The following ZNF585B variants were observed in gnomAD, a reference collection of about 807,000 sequenced individuals.
ZNF585B encodes the protein zinc finger protein 585B.
ZNF585B carries 7 observed loss-of-function variants against 14.0 expected under a neutral mutation model. The ratio of observed to expected loss-of-function variants is 0.50; its 90% CI spans 0.28 to 0.94. ZNF585B has a LOEUF of 0.94. Among genes scored for constraint, ZNF585B ranks in the 40% least tolerant of loss-of-function variants. The pLI is 0.09. For synonymous variants in ZNF585B, 290 were observed against 317.3 expected (o/e 0.91, Z 0.91); for missense variants, 750 against 924.4 (o/e 0.81, Z 2.45).
rs1339482016 is a variant in ZNF585B at position 37,189,687 on chromosome 19, C to T, written c.266G>A (p.Gly89Asp). The T allele has an allele frequency of 6.2e-7, 1 of 1,613,504 alleles. No homozygotes were observed. The highest frequency in any genetic ancestry group is 2.2e-5 in the East Asian group (1 of 44,876). Residue 89 changes from glycine (G) to aspartate (D), a missense_variant, in exon 4 of 5, where the codon GGT (glycine) becomes GAT (aspartate). By Grantham distance (94) the Gly-to-Asp change is moderately conservative. This residue lies in a region of ZNF585B where 517 missense variants were observed against 570.3 expected (regional missense o/e 0.91). Transcript: ENST00000532828. ...TGGGCAGCTGTGACGTGGCCTCTCA[C>T]CCTGCAGTGCCCATGGTTCCTTTCC... ...EQGKEPWALQGERPRHSCPGE... is the reference protein window; with the variant it reads ...EQGKEPWALQDERPRHSCPGE...
chr19:37,191,898 C>T (rs1402441123), intron 2 of ZNF585B, among the ~76,000 whole-genome samples: 1 of 151,918 alleles, frequency 6.6e-6, no homozygotes, highest in Admixed American at 6.6e-5. Flanking sequence ...CCGGGCATGG[C>T]GAGCACCTGT....
chr19:37,207,059 T>A lies in ZNF585B; in HGVS notation c.53A>T (p.Asp18Val). The A allele has an allele frequency of 6.2e-7, 1 of 1,614,070 alleles. No homozygotes were observed. The highest frequency in any genetic ancestry group is 1.1e-5 in the South Asian group (1 of 91,076). Residue 18 changes from aspartate to valine, a missense_variant, in exon 2 of 5, where the codon GAT becomes GTT. By Grantham distance (152) the Asp-to-Val change is radical. This residue lies in a region of ZNF585B where 517 missense variants were observed against 570.3 expected (regional missense o/e 0.91). Coordinates refer to ENST00000532828, the MANE Select transcript of ZNF585B (RefSeq NM_152279.4). ...CCTCACCTCATAGGAGCTGCCATGA[T>A]CCTCTGGAGCCAGGGCTGAGGATTT... is the stretch of plus-strand genomic sequence containing the variant. ...PQKSSALAPE[D>V]HGSSYEGSVS...
At chr19:37,194,085 T>A (rs927674178) in intron 2 of ZNF585B, among the ~76,000 whole-genome samples, 1 of 152,198 alleles carries the variant, frequency 6.6e-6, no homozygotes, top group African/African-American at 2.4e-5. Flanking sequence ...ATCCAGGAGC[T>A]GTGTAGGAAG....
At chr19:37,192,822 A>G (rs1314313055) in intron 2 of ZNF585B, among the ~76,000 whole-genome samples, 1 of 150,720 alleles carries the variant, frequency 6.6e-6, no homozygotes, top group African/African-American at 2.5e-5. Flanking sequence ...AAATAAATAA[A>G]CAAATAAATA....
intron 2 of ZNF585B, among the ~76,000 whole-genome samples, chr19:37,198,319 G>A (rs1338119981): frequency 6.6e-6 from 1 of 151,966 alleles, no homozygotes; most frequent in Non-Finnish European, 1.5e-5. Flanking sequence ...TTACAGGCAT[G>A]TGCCACCATG....
Position 37,185,934 on chromosome 19 carries a change from A to C in ZNF585B, c.1603T>G (p.Ser535Ala). 1.2e-6 allele frequency: 2 copies of C among 1,614,036 alleles called. No homozygotes were observed. Among genetic ancestry groups the C allele is most frequent in the Non-Finnish European group, 1.7e-6 (2 of 1,180,020 alleles). ...ATTTTCTGATGTATATTAAGATTTG[A>C]CTTCTGAGTAAAGGCTTTTCCACAA... Reference protein sequence around the residue: ...NTCGKAFTQKSNLNIHQKIHT... With the variant: ...NTCGKAFTQKANLNIHQKIHT... The change falls in exon 5 of 5, where the codon TCA becomes GCA. Residue 535 changes from serine to alanine, a missense_variant. This residue lies in a region of ZNF585B where 233 missense variants were observed against 354.1 expected (regional missense o/e 0.66). Coordinates refer to ENST00000532828, the MANE Select transcript of ZNF585B (RefSeq NM_152279.4).
intron 2 of ZNF585B, among the ~76,000 whole-genome samples, chr19:37,200,197 T>G (rs1350176028): frequency 6.6e-6 from 1 of 152,102 alleles, no homozygotes; most frequent in Non-Finnish European, 1.5e-5. Context: ...AAAGTTTTTT[T>G]GTTTTTCAAG....
rs148239781 is a variant in ZNF585B at position 37,189,186 on chromosome 19, C to A, written c.292+475G>T. Among the ~76,000 whole-genome samples, 1,183 of 152,258 alleles carry A rather than the reference C, an allele frequency of 7.8e-3. 22 individuals carry two copies. The highest frequency in any genetic ancestry group is 0.027 in the African/African-American group (1,137 of 41,528). ...CTCCTGACCTCAAGAGATACACCCACCTTGGCCTCCCAAAGTGCTGGGATT... is the reference window on the plus strand; with the variant it reads ...CTCCTGACCTCAAGAGATACACCCAACTTGGCCTCCCAAAGTGCTGGGATT... On this transcript the variant is annotated intron_variant, in intron 4 of 4. Transcript: ENST00000532828.
At chr19:37,188,120 T>C (rs1319560846) in intron 4 of ZNF585B, among the ~76,000 whole-genome samples, 1 of 152,160 alleles carries the variant, frequency 6.6e-6, no homozygotes, top group Non-Finnish European at 1.5e-5. Context: ...TTCATGGTCA[T>C]AGTGTGTCCT....
chr19:37,205,531 G>A (rs1293124405), intron 2 of ZNF585B, among the ~76,000 whole-genome samples: 1 of 152,150 alleles, frequency 6.6e-6, no homozygotes, highest in East Asian at 1.9e-4. Context: ...GAAAAAAATT[G>A]TAGTTGTTTT....
Position 37,189,724 on chromosome 19 carries a change from T to C in ZNF585B, c.229A>G (p.Met77Val), listed in dbSNP as rs780290987. 3.7e-6 allele frequency: 6 copies of C among 1,614,064 alleles called. No individual in the cohort carries two copies. The highest frequency in any genetic ancestry group is 4.2e-6 in the Non-Finnish European group (5 of 1,180,012). ...CATGGTTCCTTTCCTTGCTCCAACA[T>C]GACCACCTCTGGTTTAGGAACTTGA... Reference protein sequence around the residue: ...GYQVPKPEVVMLEQGKEPWAL... With the variant: ...GYQVPKPEVVVLEQGKEPWAL... Residue 77 changes from methionine to valine, a missense_variant, in exon 4 of 5, where the codon ATG (methionine) becomes GTG (valine). By Grantham distance (21) the Met-to-Val change is conservative. Coordinates refer to ENST00000532828, the MANE Select transcript of ZNF585B (RefSeq NM_152279.4).
intron 2 of ZNF585B, among the ~76,000 whole-genome samples, chr19:37,193,281 C>T (rs1249711948): frequency 6.6e-6 from 1 of 152,000 alleles, no homozygotes; most frequent in Non-Finnish European, 1.5e-5. Flanking sequence ...ACCATCCTGG[C>T]TAACATGGTG....
rs778414637 is a variant in ZNF585B at position 37,207,054 on chromosome 19, C to A, written c.58G>T (p.Gly20Cys). 134 of 1,613,948 alleles carry A rather than the reference C, an allele frequency of 8.3e-5. No homozygotes were observed. The highest frequency in any genetic ancestry group is 1.1e-4 in the Non-Finnish European group (130 of 1,180,048). The change falls in exon 2 of 5, where the codon GGC (glycine) becomes TGC (cysteine). Residue 20 changes from glycine to cysteine, a missense_variant. Physicochemically the swap from Gly to Cys is radical, Grantham distance 159 (BLOSUM62 -3). Transcript: ENST00000532828. The part of the protein sequence containing the change: ...KSSALAPEDH[G>C]SSYEGSVSFR... ...CTCCTCCTCACCTCATAGGAGCTGC[C>A]ATGATCCTCTGGAGCCAGGGCTGAG... is the stretch of plus-strand genomic sequence containing the variant.
At chr19:37,197,849 A>G (rs1972485634) in intron 2 of ZNF585B, among the ~76,000 whole-genome samples, 1 of 152,188 alleles carries the variant, frequency 6.6e-6, no homozygotes, top group Admixed American at 6.5e-5. Context: ...CCAACCTAAT[A>G]CATAAAGTAA....
intron 2 of ZNF585B, among the ~76,000 whole-genome samples, chr19:37,202,674 C>T (rs1257155896): frequency 2.8e-5 from 4 of 142,288 alleles, no homozygotes; most frequent in Non-Finnish European, 6.1e-5. Context: ...TGGAGTTTCG[C>T]GCTTGTTTTC....
Position 37,185,275 on chromosome 19 carries a change from G to A in ZNF585B, c.2262C>T (p.Gly754=), listed in dbSNP as rs1183395007. 2 of 1,614,070 alleles carry A rather than the reference G, an allele frequency of 1.2e-6. No individual in the cohort carries two copies. The highest frequency in any genetic ancestry group is 3.3e-5 in the Admixed American group (2 of 60,020). Residue 754 remains glycine, a synonymous_variant, in exon 5 of 5, where the codon GGC becomes GGT. Coordinates refer to ENST00000532828, the MANE Select transcript of ZNF585B (RefSeq NM_152279.4). ...KPYKCGICGK[G]FVQKSVFSVH... ...CACTGAACACTGATTTCTGAACGAA[G>A]CCTTTCCCACAGATGCCACACTTGT...
chr19:37,192,567 T>C lies in ZNF585B; in HGVS notation c.73-2417A>G, dbSNP rs1289993286. Among the ~76,000 whole-genome samples, 4 of 151,040 alleles carry C rather than the reference T, an allele frequency of 2.6e-5. No individual in the cohort carries two copies. The East Asian group carries it at 7.8e-4, about 29-fold the overall frequency. The stretch of plus-strand genomic sequence containing the variant: ...GGCTCATGCCTGTAATCCCAGCACT[T>C]TGGGAGGCCGGGGCAGGTGGATCAC... On this transcript the variant is annotated intron_variant, in intron 2 of 4. Transcript: ENST00000532828.
intron 2 of ZNF585B, among the ~76,000 whole-genome samples, chr19:37,198,532 T>C (rs939992361): frequency 6.6e-6 from 1 of 151,510 alleles, no homozygotes; most frequent in Non-Finnish European, 1.5e-5. Context: ...GGTCAGGAGT[T>C]CAATATCAGC....
intron 2 of ZNF585B, among the ~76,000 whole-genome samples, chr19:37,194,345 G>A (rs1295261418): frequency 6.6e-6 from 1 of 152,188 alleles, no homozygotes; most frequent in Non-Finnish European, 1.5e-5. Flanking sequence ...TGGGTGCAGT[G>A]GCTCACACCT....
Sources: gnomAD v4.1 joint callset for allele counts (sites outside exome capture counted in the v4.1 genomes callset) on GRCh38, gnomAD v4.1.1 for gene constraint, gnomAD v4.1.1 regional missense constraint, MANE v1.5 for transcripts, NCBI Gene and HGNC (gene_info 2026-07-23, HGNC 2026-07-21) for gene names.